Variants in SCGB3A2 observed in about 807,000 individuals in gnomAD.
The protein encoded by SCGB3A2 is pneumo secretory protein 1.
SCGB3A2 carries 5 observed loss-of-function variants against 7.7 expected under a neutral mutation model. That is an observed-to-expected ratio of 0.65 (90% CI 0.34 to 1.36). The LOEUF is 1.36. Among genes scored for constraint, SCGB3A2 ranks in the 40% most tolerant of loss-of-function variants. SCGB3A2 has a pLI of 0.04. For synonymous variants in SCGB3A2, 44 were observed against 42.7 expected (o/e 1.03, Z -0.12); for missense variants, 109 against 103.6 (o/e 1.05, Z -0.23).
In SCGB3A2 at chr5:147,881,597, G is replaced by A. The variant is rs140212139; in HGVS notation, c.207G>A (p.Lys69=). 19 of 1,613,984 alleles carry A rather than the reference G, an allele frequency of 1.2e-5. No individual in the cohort carries two copies. Among genetic ancestry groups the A allele is most frequent in the Non-Finnish European group, 1.5e-5 (18 of 1,179,904 alleles). The change falls in exon 2 of 3, where the codon AAG becomes AAA. Residue 69 remains lysine (K), a synonymous_variant. Transcript: ENST00000296694. ...AGCACCTTGTGGAGGGGCTAAGGAA[G>A]TGTGTAAATGAGCTGGGACCAGAGG... is the stretch of plus-strand genomic sequence containing the variant. ...SVEHLVEGLR[K]CVNELGPEAS...
At chr5:147,880,021 T>C (rs1269054573) in intron 1 of SCGB3A2, among the ~76,000 whole-genome samples, 1 of 151,836 alleles carries the variant, frequency 6.6e-6, no homozygotes, top group Non-Finnish European at 1.5e-5. Context: ...GGAGGGACAA[T>C]AGGTGATTGA....
chr5:147,881,402 G>A (rs1382901133), intron 1 of SCGB3A2, 44 bp from the exon 2 acceptor site: 1 of 1,440,536 alleles, frequency 6.9e-7, no homozygotes, highest in Non-Finnish European at 9.8e-7. Flanking sequence ...TCATAGTCTG[G>A]GCCCAGATGT....
intron 1 of SCGB3A2, among the ~76,000 whole-genome samples, chr5:147,880,258 C>T (rs17107362): frequency 0.19 from 28,624 of 151,972 alleles, 3,144 homozygotes; most frequent in Admixed American, 0.29. Context: ...TCATCTTCTA[C>T]GGGAAAGTTA....
chr5:147,881,116 T>C (rs576910137), intron 1 of SCGB3A2: 1 of 266,374 alleles, frequency 3.8e-6, no homozygotes, highest in Admixed American at 5.0e-5. Context: ...ATAAAGACAA[T>C]AAAAACAGCA....
chr5:147,879,063 T>G (rs1053634859), intron 1 of SCGB3A2, among the ~76,000 whole-genome samples: 2 of 152,144 alleles, frequency 1.3e-5, no homozygotes, highest in Non-Finnish European at 2.9e-5. Context: ...AATGGTGATG[T>G]TGGAAAGTAT....
At chr5:147,880,037 T>TA (rs1200515389) in intron 1 of SCGB3A2, among the ~76,000 whole-genome samples, 4 of 151,900 alleles carry the variant, frequency 2.6e-5, no homozygotes, top group African/African-American at 7.3e-5. Context: ...ATTGAAAATT[T>TA]AAAAAAATAT....
At chr5:147,881,238 T>G in intron 1 of SCGB3A2, 1 of 558,734 alleles carries the variant, frequency 1.8e-6, no homozygotes, top group Admixed American at 3.1e-5. Flanking sequence ...GACCAAATAA[T>G]GTGAGAAAGA....
Position 147,878,821 on chromosome 5 carries a change from C to T in SCGB3A2, c.18C>T (p.Ile6=), listed in dbSNP as rs147682862. The T allele has an allele frequency of 6.2e-7, 1 of 1,612,722 alleles. No homozygotes were observed. The highest frequency in any genetic ancestry group is 1.1e-5 in the South Asian group (1 of 91,044). MKLVT[I]FLLVTISLCS... The stretch of plus-strand genomic sequence containing the variant: ...TAACTGTCATGAAGCTGGTAACTAT[C>T]TTCCTGCTGGTGACCATCAGCCTTT... Residue 6 remains isoleucine (I), a synonymous_variant, in exon 1 of 3, where the codon ATC becomes ATT. Transcript: ENST00000296694.
At chr5:147,881,189 C>A in intron 1 of SCGB3A2, 1 of 433,390 alleles carries the variant, frequency 2.3e-6, no homozygotes, top group Non-Finnish European at 4.1e-6. Flanking sequence ...GTGACTATGG[C>A]CATTGCAGGC....
In SCGB3A2 at chr5:147,882,152, G is replaced by A; in HGVS notation, c.*102G>A. On this transcript the variant is annotated 3_prime_UTR_variant, in exon 3 of 3. Transcript: ENST00000296694. ...AATTATAGATCAAATGCCCTAAAAT[G>A]TAGTGACCCGTGAAAAGGACAAATA... The A allele has an allele frequency of 1.7e-6, 2 of 1,154,866 alleles. No homozygotes were observed. Among genetic ancestry groups the A allele is most frequent in the Non-Finnish European group, 2.6e-6 (2 of 765,900 alleles). 71.5% of individuals were successfully genotyped at this position (1,154,866 alleles called of 1,614,324 possible).
Position 147,881,421 on chromosome 5 carries a change from C to T in SCGB3A2, c.56-25C>T, listed in dbSNP as rs576780929. ...AGTCTGGGCCCAGATGTGCCTGTCT[C>T]ACCTGGTTTCTCTTTTTCCTGCAGC... On this transcript the variant is annotated intron_variant, in intron 1 of 2. Coordinates refer to ENST00000296694, the MANE Select transcript of SCGB3A2 (RefSeq NM_054023.5). 6 of 1,599,842 alleles carry T rather than the reference C, an allele frequency of 3.8e-6. No homozygotes were observed. The South Asian group carries it at 6.6e-5, about 18-fold the overall frequency.
At chr5:147,880,250 A>G (rs1044439028) in intron 1 of SCGB3A2, among the ~76,000 whole-genome samples, 1 of 152,152 alleles carries the variant, frequency 6.6e-6, no homozygotes, top group African/African-American at 2.4e-5. Flanking sequence ...CCCACCATTC[A>G]TCTTCTACGG....
In SCGB3A2 at chr5:147,881,429, TTC is replaced by T; in HGVS notation, c.56-13_56-12del. The T allele has an allele frequency of 6.2e-7, 1 of 1,610,980 alleles. No homozygotes were observed. The highest frequency in any genetic ancestry group is 1.1e-5 in the South Asian group (1 of 90,960). ...CCCAGATGTGCCTGTCTCACCTGGT[TTC>T]TCTTTTTCCTGCAGCTACTGCCTTC... On this transcript the variant is annotated splice_polypyrimidine_tract_variant and intron_variant, in intron 1 of 2. Coordinates refer to ENST00000296694, the MANE Select transcript of SCGB3A2 (RefSeq NM_054023.5).
chr5:147,878,919 CACA>C, intron 1 of SCGB3A2, 61 bp downstream of exon 1: 1 of 1,197,956 alleles, frequency 8.3e-7, no homozygotes, highest in Non-Finnish European at 1.2e-6. Flanking sequence ...TTAATAAGAG[CACA>C]ACTAGTAAGC....
rs1453900995 is a variant in SCGB3A2, at chr5:147,881,659, C to G, written c.258+11C>G. On this transcript the variant is annotated intron_variant, in intron 2 of 2. Coordinates refer to ENST00000296694, the MANE Select transcript of SCGB3A2 (RefSeq NM_054023.5). ...GTGAAGAAACTGCTGGTAACCACAG[C>G]TTGGGAGGCTAATCTGCCAAAGGGG... 1 of 1,610,082 alleles carries G rather than the reference C, an allele frequency of 6.2e-7. No individual in the cohort carries two copies. Among genetic ancestry groups the G allele is most frequent in the Admixed American group, 1.7e-5 (1 of 59,672 alleles).
In SCGB3A2 at chr5:147,881,643, C is replaced by G. The variant is rs776382165; in HGVS notation, c.253C>G (p.Leu85Val). 2.5e-6 allele frequency: 4 copies of G among 1,613,166 alleles called. 1 individual carries two copies. In the South Asian group the frequency reaches 4.4e-5, roughly 18 times the overall value. Residue 85 changes from leucine to valine, a missense_variant, in exon 2 of 3, where the codon CTG (leucine) becomes GTG (valine). Coordinates refer to ENST00000296694, the MANE Select transcript of SCGB3A2 (RefSeq NM_054023.5). ...AGAGGCTTCTGAAGCTGTGAAGAAA[C>G]TGCTGGTAACCACAGCTTGGGAGGC... The part of the protein sequence containing the change: ...GPEASEAVKK[L>V]LEALSHLV
intron 1 of SCGB3A2, 85 bp from the exon 2 acceptor site, chr5:147,881,361 C>A (rs1757345078): frequency 2.0e-6 from 2 of 1,019,690 alleles, no homozygotes; most frequent in Non-Finnish European, 3.0e-6. Flanking sequence ...TGGAATGGAG[C>A]TATTGATGGA....
Position 147,878,799 on chromosome 5 carries a change from CTG to C in SCGB3A2, c.-3_-2del. Reference sequence around the variant, plus strand: ...AACTCCTGAAAAATATCCCAGATAACTGTCATGAAGCTGGTAACTATCTTCCT... The same window carrying C: ...AACTCCTGAAAAATATCCCAGATAACTCATGAAGCTGGTAACTATCTTCCT... On this transcript the variant is annotated 5_prime_UTR_variant, in exon 1 of 3. Coordinates refer to ENST00000296694, the MANE Select transcript of SCGB3A2 (RefSeq NM_054023.5). 1 of 1,611,552 alleles carries C rather than the reference CTG, an allele frequency of 6.2e-7. No homozygotes were observed. Among genetic ancestry groups the C allele is most frequent in the Admixed American group, 1.7e-5 (1 of 60,008 alleles).
chr5:147,879,777 C>A (rs989111604), intron 1 of SCGB3A2, among the ~76,000 whole-genome samples: 8 of 152,078 alleles, frequency 5.3e-5, no homozygotes, highest in Admixed American at 2.0e-4. Flanking sequence ...AGATATTTAC[C>A]AAAATGTCTG....
Sources: allele counts gnomAD v4.1 joint callset (sites outside exome capture counted in the v4.1 genomes callset), GRCh38; gene constraint gnomAD v4.1.1; transcripts MANE v1.5; gene names NCBI Gene and HGNC (gene_info 2026-07-23, HGNC 2026-07-21).